Variants in CNTNAP2 observed in about 807,000 individuals in gnomAD.
CNTNAP2 encodes contactin-associated protein-like 2.
A neutral mutation model predicts 155.2 loss-of-function variants in CNTNAP2; 98 were observed. The observed-to-expected ratio is 0.63, with a 90% confidence interval of 0.54 to 0.75. The LOEUF is 0.75. Among genes scored for constraint, CNTNAP2 ranks in the 30% least tolerant of loss-of-function variants. The pLI, the probability that CNTNAP2 is intolerant of heterozygous loss-of-function variation, is 0.00. For missense variants in CNTNAP2, 1,727 were observed against 1,688.1 expected (o/e 1.02, Z -0.40); for synonymous variants, 651 against 631.2 (o/e 1.03, Z -0.47).
intron 8 of CNTNAP2, among the ~76,000 whole-genome samples, chr7:147,160,745 T>C (rs1802009443): frequency 6.6e-6 from 1 of 152,102 alleles, no homozygotes; most frequent in Non-Finnish European, 1.5e-5. Context: ...GGATGTAATA[T>C]TTAAGCTAAA....
chr7:147,055,626 G>C (rs927318233), intron 4 of CNTNAP2, among the ~76,000 whole-genome samples: 1 of 152,232 alleles, frequency 6.6e-6, no homozygotes, highest in African/African-American at 2.4e-5. Context: ...CTCAAGTCTC[G>C]CAGGGGACAT....
At chr7:147,954,443 G>A (rs1232508307) in intron 14 of CNTNAP2, among the ~76,000 whole-genome samples, 1 of 151,774 alleles carries the variant, frequency 6.6e-6, no homozygotes, top group Non-Finnish European at 1.5e-5. Context: ...AGAAGGAAAA[G>A]AAGACAGCAA....
chr7:148,054,342 T>C (rs1451891717), intron 15 of CNTNAP2, among the ~76,000 whole-genome samples: 1 of 151,990 alleles, frequency 6.6e-6, no homozygotes, highest in East Asian at 1.9e-4. Context: ...CTGTAAAATA[T>C]GAATGAGTCT....
chr7:146,756,832 A>T (rs1802003191), intron 1 of CNTNAP2, among the ~76,000 whole-genome samples: 1 of 152,118 alleles, frequency 6.6e-6, no homozygotes, highest in Admixed American at 6.5e-5. Flanking sequence ...CATTATTAAA[A>T]TGAATACAGA....
At chr7:147,466,528 G>T (rs1482456944) in intron 10 of CNTNAP2, among the ~76,000 whole-genome samples, 1 of 152,124 alleles carries the variant, frequency 6.6e-6, no homozygotes, top group Non-Finnish European at 1.5e-5. Flanking sequence ...AGACACAGGA[G>T]AGCAGGAAAA....
chr7:148,175,434 T>C (rs1157553911), intron 18 of CNTNAP2, among the ~76,000 whole-genome samples: 1 of 152,208 alleles, frequency 6.6e-6, no homozygotes, highest in African/African-American at 2.4e-5. Flanking sequence ...CTTTCTGGAA[T>C]GGAGAAGCAT....
chr7:147,221,301 C>A (rs995562390), intron 8 of CNTNAP2, among the ~76,000 whole-genome samples: 1 of 151,968 alleles, frequency 6.6e-6, no homozygotes, highest in Non-Finnish European at 1.5e-5. Flanking sequence ...CTTGTTAAAT[C>A]AATTAAGAAT....
chr7:146,879,936 T>G (rs192897940), intron 3 of CNTNAP2, among the ~76,000 whole-genome samples: 80 of 152,104 alleles, frequency 5.3e-4, no homozygotes, highest in Middle Eastern at 3.4e-3. Flanking sequence ...TCTTACATGG[T>G]GGCAGACAAG....
intron 1 of CNTNAP2, among the ~76,000 whole-genome samples, chr7:146,328,124 C>A (rs983820678): frequency 2.0e-5 from 3 of 152,140 alleles, no homozygotes; most frequent in African/African-American, 7.2e-5. Context: ...CTGAGCTCAG[C>A]CTCTTGTCAG....
rs1433239656 is a variant in CNTNAP2, at chr7:148,069,796, G to GAGGGGACA, written c.2384-48321_2384-48314dup. ...AAAAAAGAAAGAAAGAAAGAATGGG[G>GAGGGGACA]AGGGGACATATGCATCTCCATCTCA... On this transcript the variant is annotated intron_variant, in intron 15 of 23. Transcript: ENST00000361727. 2.0e-5 allele frequency among the ~76,000 whole-genome samples: 3 copies of GAGGGGACA among 151,814 alleles called. No homozygotes were observed. In the East Asian group the frequency reaches 5.8e-4, roughly 29 times the overall value.
chr7:147,605,209 TC>T (rs757565962), intron 12 of CNTNAP2, among the ~76,000 whole-genome samples: 2 of 152,194 alleles, frequency 1.3e-5, no homozygotes, highest in Non-Finnish European at 2.9e-5. Context: ...TTCTTTTTTT[TC>T]CTTCCTTCTA....
At chr7:147,442,502 C>G (rs550563109) in intron 10 of CNTNAP2, among the ~76,000 whole-genome samples, 2 of 152,280 alleles carry the variant, frequency 1.3e-5, no homozygotes, top group African/African-American at 4.8e-5. Flanking sequence ...GCCCTACTCT[C>G]CTGTGGCTGA....
intron 1 of CNTNAP2, among the ~76,000 whole-genome samples, chr7:146,696,691 G>A (rs781486055): frequency 9.2e-5 from 14 of 151,858 alleles, no homozygotes; most frequent in East Asian, 7.7e-4. Flanking sequence ...TGGTTTTGTC[G>A]CATCCCACAC....
At chr7:146,491,250 C>A (rs1253031682) in intron 1 of CNTNAP2, among the ~76,000 whole-genome samples, 2 of 152,022 alleles carry the variant, frequency 1.3e-5, no homozygotes, top group East Asian at 3.9e-4. Flanking sequence ...AGAATGGAAT[C>A]TTGTATTGCC....
chr7:146,693,626 C>T (rs1006332531), intron 1 of CNTNAP2, among the ~76,000 whole-genome samples: 3 of 152,082 alleles, frequency 2.0e-5, no homozygotes, highest in East Asian at 1.9e-4. Flanking sequence ...TCTGTTTCCT[C>T]ATCTATTAAA....
At chr7:148,414,266 G>C (rs1413625774) in intron 23 of CNTNAP2, among the ~76,000 whole-genome samples, 1 of 152,048 alleles carries the variant, frequency 6.6e-6, no homozygotes, top group Non-Finnish European at 1.5e-5. Context: ...TAGTATAAAA[G>C]ACCGGGTTTC....
chr7:147,074,177 AAT>A (rs1208434517), intron 4 of CNTNAP2, among the ~76,000 whole-genome samples: 3 of 152,024 alleles, frequency 2.0e-5, no homozygotes, highest in Non-Finnish European at 4.4e-5. Context: ...TTTCCCTGAT[AAT>A]CATTCTGCTT....
rs544811915 is a variant in CNTNAP2 at position 146,241,563 on chromosome 7, T to G, written c.97+124590T>G. On this transcript the variant is annotated intron_variant, in intron 1 of 23. Coordinates refer to ENST00000361727, the MANE Select transcript of CNTNAP2 (RefSeq NM_014141.6). ...CTAACTTAAAAAGACCATGCAAGAC[T>G]TATAATAACTCATTGCATGAAGATG... 2.0e-5 allele frequency among the ~76,000 whole-genome samples: 3 copies of G among 152,296 alleles called. No homozygotes were observed. The South Asian group carries it at 6.2e-4, about 32-fold the overall frequency.
intron 13 of CNTNAP2, among the ~76,000 whole-genome samples, chr7:147,833,095 T>C (rs1798579408): frequency 6.6e-6 from 1 of 151,108 alleles, no homozygotes; most frequent in Non-Finnish European, 1.5e-5. Flanking sequence ...TAAAATTTAC[T>C]GAGTCCGTTT....
Sources: gnomAD v4.1 joint callset for allele counts (sites outside exome capture counted in the v4.1 genomes callset) on GRCh38, gnomAD v4.1.1 for gene constraint, MANE v1.5 for transcripts, NCBI Gene and HGNC (gene_info 2026-07-23, HGNC 2026-07-21) for gene names.